Variants in RHEB observed in about 807,000 individuals in gnomAD.
The protein encoded by RHEB is Ras homolog, mTORC1 binding.
A neutral mutation model predicts 28.8 loss-of-function variants in RHEB; 2 were observed. That is an observed-to-expected ratio of 0.07 (90% CI 0.03 to 0.22). RHEB has a LOEUF of 0.22. Among genes scored for constraint, RHEB ranks in the 10% least tolerant of loss-of-function variants. RHEB has a pLI of 1.00. For missense variants in RHEB, 76 were observed against 219.9 expected (o/e 0.35, Z 4.14); for synonymous variants, 69 against 77.3 (o/e 0.89, Z 0.56).
At position 151,472,059 on chromosome 7, in the gene RHEB, T is replaced by G. The variant is rs968052930; in HGVS notation, c.276-454A>C. 1.9e-5 allele frequency: 3 copies of G among 155,104 alleles called. No individual in the cohort carries two copies. Among genetic ancestry groups the G allele is most frequent in the African/African-American group, 7.2e-5 (3 of 41,528 alleles). 9.6% of individuals were successfully genotyped at this position (155,104 alleles called of 1,614,324 possible). A position where few individuals can be genotyped will look rare whatever the true frequency, so the allele number is the denominator to read the frequency against. ...AATCAGATCAATGAGCCGATGACTC[T>G]AGGATGGAGGTGGCTCTCACCGGGA... On this transcript the variant is annotated intron_variant, in intron 4 of 7. Coordinates refer to ENST00000262187, the MANE Select transcript of RHEB (RefSeq NM_005614.4). The surrounding 1 kb of genome is among the most constrained non-coding windows in gnomAD (Gnocchi z 5.2).
At chr7:151,518,784 G>C (rs1043821379) in intron 1 of RHEB, among the ~76,000 whole-genome samples, 1 of 152,130 alleles carries the variant, frequency 6.6e-6, no homozygotes, top group Non-Finnish European at 1.5e-5. Context: ...AACAAAAATA[G>C]GGCACCGAGA....
At chr7:151,506,704 C>T (rs888315368) in intron 1 of RHEB, among the ~76,000 whole-genome samples, 1 of 152,178 alleles carries the variant, frequency 6.6e-6, no homozygotes, top group African/African-American at 2.4e-5. Context: ...AGCAAAATAA[C>T]AAACATACAT....
chr7:151,470,682 T>A, intron 6 of RHEB, 30 bp from the exon 7 acceptor site: 1 of 1,441,564 alleles, frequency 6.9e-7, no homozygotes, highest in Non-Finnish European at 9.7e-7. Flanking sequence ...CTAGTTAAAG[T>A]ACTTTGCTCT....
Position 151,467,040 on chromosome 7 carries a change from A to T in RHEB, c.*79T>A, listed in dbSNP as rs1276979340. 3 of 1,014,042 alleles carry T rather than the reference A, an allele frequency of 3.0e-6. No individual in the cohort carries two copies. In the African/African-American group the frequency reaches 4.8e-5, roughly 16 times the overall value. The allele number at this position is 1,014,042 out of a possible 1,614,324, so 62.8% of individuals were successfully genotyped here. A position where few individuals can be genotyped will look rare whatever the true frequency, so the allele number is the denominator to read the frequency against. On this transcript the variant is annotated 3_prime_UTR_variant, in exon 8 of 8. Coordinates refer to ENST00000262187, the MANE Select transcript of RHEB (RefSeq NM_005614.4). ...GGTTAACAGAAGAAAAAAGAAGCAT[A>T]GTTTATCTTCAAGGAGAACGGGCAG...
chr7:151,513,091 A>G lies in RHEB; in HGVS notation c.52+6369T>C, dbSNP rs73480793. On this transcript the variant is annotated intron_variant, in intron 1 of 7. Coordinates refer to ENST00000262187, the MANE Select transcript of RHEB (RefSeq NM_005614.4). Reference sequence around the variant, plus strand: ...AGCAGTAAAATTATATTAAATCTTGACCCTTTGGTACCTGTCTTTTTAATA... The same window carrying G: ...AGCAGTAAAATTATATTAAATCTTGGCCCTTTGGTACCTGTCTTTTTAATA... 5.3e-3 allele frequency among the ~76,000 whole-genome samples: 807 copies of G among 152,224 alleles called. 8 individuals are homozygous for G. The highest frequency in any genetic ancestry group is 0.018 in the African/African-American group (762 of 41,540).
chr7:151,477,075 A>C (rs1802283988), intron 4 of RHEB, among the ~76,000 whole-genome samples: 1 of 152,206 alleles, frequency 6.6e-6, no homozygotes, highest in Non-Finnish European at 1.5e-5. Context: ...ATTAGCAGAA[A>C]AGCTTAGATC....
In RHEB at chr7:151,490,887, C is replaced by T. The variant is rs373860094; in HGVS notation, c.124+56G>A. The T allele has an allele frequency of 5.5e-6, 7 of 1,272,930 alleles. No homozygotes were observed. In the African/African-American group the frequency reaches 7.3e-5, roughly 13 times the overall value. The allele number at this position is 1,272,930 out of a possible 1,614,324, so 78.9% of individuals were successfully genotyped here. On this transcript the variant is annotated intron_variant, in intron 2 of 7. Transcript: ENST00000262187. The stretch of plus-strand genomic sequence containing the variant: ...CAAAGCCTCCATGAATACACAATGG[C>T]TATTTTACACAAAAGAAGGCTTCTC...
At chr7:151,506,518 G>A (rs1802883044) in intron 1 of RHEB, among the ~76,000 whole-genome samples, 1 of 152,138 alleles carries the variant, frequency 6.6e-6, no homozygotes, top group South Asian at 2.1e-4. Context: ...CATCTGGCAT[G>A]TAGCAAGTGC....
chr7:151,512,378 G>C (rs952421259), intron 1 of RHEB, among the ~76,000 whole-genome samples: 18 of 152,100 alleles, frequency 1.2e-4, no homozygotes, highest in African/African-American at 3.4e-4. Context: ...CCTTCATCCT[G>C]ATACTCGTAT....
intron 1 of RHEB, among the ~76,000 whole-genome samples, chr7:151,491,282 A>G (rs1376854359): frequency 1.3e-5 from 2 of 152,240 alleles, no homozygotes; most frequent in East Asian, 3.8e-4. Context: ...AGCACATCAG[A>G]TATTCTGTTA....
At chr7:151,485,363 C>T (rs1462359133) in intron 2 of RHEB, among the ~76,000 whole-genome samples, 2 of 152,250 alleles carry the variant, frequency 1.3e-5, no homozygotes, top group Admixed American at 6.5e-5. Flanking sequence ...GTCACAACTT[C>T]TTTTCCCTGA....
intron 4 of RHEB, among the ~76,000 whole-genome samples, chr7:151,475,595 G>A (rs1181375391): frequency 6.6e-6 from 1 of 152,028 alleles, no homozygotes; most frequent in Non-Finnish European, 1.5e-5. Flanking sequence ...TATAAAAATG[G>A]CCAATAGTTT....
intron 1 of RHEB, among the ~76,000 whole-genome samples, chr7:151,511,283 T>C (rs950776157): frequency 6.6e-6 from 1 of 152,200 alleles, no homozygotes; most frequent in African/African-American, 2.4e-5. Context: ...AAAGGTGGGA[T>C]GGTGTATCTT....
rs761626064 is a variant in RHEB at position 151,500,290 on chromosome 7, C to CA, written c.53-9277dup. Among the ~76,000 whole-genome samples the CA allele has an allele frequency of 4.5e-4, 68 of 150,546 alleles. 1 individual carries two copies. In the Middle Eastern group the frequency reaches 0.02, roughly 45 times the overall value. ...AACATAGGTACTTATTACAAACCAA[C>CA]AAAAAAAAGGAAAAAATTAATCTCT... On this transcript the variant is annotated intron_variant, in intron 1 of 7. Transcript: ENST00000262187.
intron 1 of RHEB, among the ~76,000 whole-genome samples, chr7:151,507,275 C>T (rs61550669): frequency 0.01 from 1,526 of 152,284 alleles, 22 homozygotes; most frequent in African/African-American, 0.035. Context: ...GCTTAACAAT[C>T]GTATGCACCC....
intron 2 of RHEB, 115 bp from the exon 3 acceptor site, chr7:151,484,919 C>G: frequency 1.6e-6 from 1 of 632,254 alleles, no homozygotes; most frequent in Non-Finnish European, 2.8e-6. Flanking sequence ...CAGAGAAAGG[C>G]CCCATGAAAC....
At chr7:151,502,638 T>C (rs1802793308) in intron 1 of RHEB, 2 of 1,595,796 alleles carry the variant, frequency 1.3e-6, no homozygotes, top group Non-Finnish European at 8.6e-7. Flanking sequence ...TTGTAATAGA[T>C]GGTAGTGGTG....
intron 1 of RHEB, among the ~76,000 whole-genome samples, chr7:151,514,985 GC>G (rs1766814258): frequency 6.6e-6 from 1 of 151,626 alleles, no homozygotes; most frequent in African/African-American, 2.4e-5. Flanking sequence ...ACTGCAGTGA[GC>G]CATGATAGCT....
chr7:151,489,297 C>T (rs1325778862), intron 2 of RHEB, among the ~76,000 whole-genome samples: 1 of 152,086 alleles, frequency 6.6e-6, no homozygotes, highest in Non-Finnish European at 1.5e-5. Flanking sequence ...GTTCTTATTC[C>T]AGTGGACAGA....
Sources: allele counts gnomAD v4.1 joint callset (sites outside exome capture counted in the v4.1 genomes callset), GRCh38; gene constraint gnomAD v4.1.1; non-coding constraint Gnocchi (gnomAD v3.1); transcripts MANE v1.5; gene names NCBI Gene and HGNC (gene_info 2026-07-23, HGNC 2026-07-21).